Variants in GNAO1 observed in about 807,000 individuals in gnomAD.
GNAO1 encodes guanine nucleotide-binding protein G(o) subunit alpha.
For synonymous variants in GNAO1, 164 were observed against 180.7 expected (o/e 0.91, Z 0.74); for missense variants, 166 against 478.7 (o/e 0.35, Z 6.10).
rs1491364024 is a variant in GNAO1 at position 56,300,007 on chromosome 16, TCG to T, written c.303+23936_303+23937del. ...TCAGAAATGGAAGGCAGATTGGGGTTCGTGTGTGTGTGTGTGTGTGTGTGTGT... is the reference window on the plus strand; with the variant it reads ...TCAGAAATGGAAGGCAGATTGGGGTTTGTGTGTGTGTGTGTGTGTGTGTGT... On this transcript the variant is annotated intron_variant, in intron 3 of 8. Coordinates refer to ENST00000262493, the MANE Select transcript of GNAO1 (RefSeq NM_020988.3). 4.5e-4 allele frequency among the ~76,000 whole-genome samples: 28 copies of T among 62,508 alleles called. 1 individual carries two copies. Among genetic ancestry groups the T allele is most frequent in the Non-Finnish European group, 1.9e-4 (5 of 26,324 alleles). The allele number at this position is 62,508 out of a possible 152,430, so 41.0% of individuals were successfully genotyped here.
At position 56,192,123 on chromosome 16, in the gene GNAO1, C is replaced by T; in HGVS notation, c.-113C>T. On this transcript the variant is annotated 5_prime_UTR_variant, in exon 1 of 9. Coordinates refer to ENST00000262493, the MANE Select transcript of GNAO1 (RefSeq NM_020988.3). ...TTGTTTCCAGCCCAGGAGAGGATAT[C>T]GTGATTTTCCCCCCTTGAGCCCAGG... is the stretch of plus-strand genomic sequence containing the variant. 2 of 640,444 alleles carry T rather than the reference C, an allele frequency of 3.1e-6. No individual in the cohort carries two copies. The highest frequency in any genetic ancestry group is 1.8e-5 in the South Asian group (1 of 55,728). The allele number at this position is 640,444 out of a possible 1,614,324, so 39.7% of individuals were successfully genotyped here.
chr16:56,234,745 A>G (rs1443375414), intron 2 of GNAO1, among the ~76,000 whole-genome samples: 5 of 152,082 alleles, frequency 3.3e-5, no homozygotes, highest in South Asian at 2.1e-4. Flanking sequence ...CCCAACTCCT[A>G]TTCCAGTGAC....
chr16:56,254,301 TTTTA>T (rs1205148380), intron 2 of GNAO1, among the ~76,000 whole-genome samples: 1 of 152,194 alleles, frequency 6.6e-6, no homozygotes, highest in Non-Finnish European at 1.5e-5. Context: ...CACACTAAAA[TTTTA>T]TTTATTCCAT....
At chr16:56,196,378 A>G (rs1297192703) in intron 2 of GNAO1, among the ~76,000 whole-genome samples, 2 of 152,210 alleles carry the variant, frequency 1.3e-5, no homozygotes, top group Non-Finnish European at 1.5e-5. Context: ...TCAGTCAATA[A>G]GACTCTGAGT....
chr16:56,342,534 C>T (rs763619241), intron 6 of GNAO1, among the ~76,000 whole-genome samples: 2 of 152,252 alleles, frequency 1.3e-5, no homozygotes, highest in Non-Finnish European at 2.9e-5. Flanking sequence ...CTCCCTGAGC[C>T]TACCTGAGAA....
At chr16:56,343,460 C>T (rs2037826165) in intron 6 of GNAO1, among the ~76,000 whole-genome samples, 1 of 144,696 alleles carries the variant, frequency 6.9e-6, no homozygotes, top group Non-Finnish European at 1.5e-5. Flanking sequence ...CACACTCCAG[C>T]TTGAGCAACA....
chr16:56,195,384 T>C (rs1355368933), intron 2 of GNAO1, among the ~76,000 whole-genome samples: 1 of 152,226 alleles, frequency 6.6e-6, no homozygotes, highest in Non-Finnish European at 1.5e-5. Context: ...CTTGTTTTGT[T>C]AACCACAAAA....
At chr16:56,264,799 G>C (rs1347729431) in intron 2 of GNAO1, among the ~76,000 whole-genome samples, 2 of 148,160 alleles carry the variant, frequency 1.3e-5, no homozygotes, top group Non-Finnish European at 3.0e-5. Flanking sequence ...TTATCGTATA[G>C]TATATAGTAT....
At chr16:56,252,772 C>A (rs1267253408) in intron 2 of GNAO1, among the ~76,000 whole-genome samples, 1 of 152,210 alleles carries the variant, frequency 6.6e-6, no homozygotes, top group African/African-American at 2.4e-5. Context: ...TTCCTCCTGG[C>A]CCCGGCCCCA....
intron 3 of GNAO1, among the ~76,000 whole-genome samples, chr16:56,278,934 G>A (rs1485734861): frequency 2.0e-5 from 3 of 152,060 alleles, no homozygotes; most frequent in African/African-American, 7.2e-5. Context: ...CTGTCTCTAG[G>A]GTCCCCAGCC....
At chr16:56,212,872 C>T (rs2036403181) in intron 2 of GNAO1, among the ~76,000 whole-genome samples, 1 of 152,172 alleles carries the variant, frequency 6.6e-6, no homozygotes, top group Admixed American at 6.5e-5. Flanking sequence ...TCATTTCTGA[C>T]AAAAGATGTT....
At chr16:56,320,820 A>C (rs1157098182) in intron 3 of GNAO1, among the ~76,000 whole-genome samples, 2 of 152,176 alleles carry the variant, frequency 1.3e-5, no homozygotes, top group African/African-American at 4.8e-5. Flanking sequence ...TGGGCCTTAG[A>C]ACCACTGTAA....
intron 2 of GNAO1, among the ~76,000 whole-genome samples, chr16:56,221,807 C>T (rs2143368150): frequency 6.6e-6 from 1 of 152,216 alleles, no homozygotes; most frequent in South Asian, 2.1e-4. Flanking sequence ...TCATCGTCAT[C>T]ATTGTTTCAG....
At chr16:56,336,038 G>A (rs953457704) in intron 5 of GNAO1, among the ~76,000 whole-genome samples, 11 of 152,174 alleles carry the variant, frequency 7.2e-5, no homozygotes, top group East Asian at 1.9e-4. Flanking sequence ...AGGACTCCTC[G>A]CTCTGGGGAT....
At position 56,192,554 on chromosome 16, in the gene GNAO1, C is replaced by T. The variant is rs1369732955; in HGVS notation, c.119-20C>T. The T allele has an allele frequency of 6.3e-7, 1 of 1,575,768 alleles. No individual in the cohort carries two copies. Among genetic ancestry groups the T allele is most frequent in the Admixed American group, 1.7e-5 (1 of 59,878 alleles). On this transcript the variant is annotated intron_variant, in intron 1 of 8. Coordinates refer to ENST00000262493, the MANE Select transcript of GNAO1 (RefSeq NM_020988.3). ...AAGCTGACACTCACCAGTTTTTCCC[C>T]ACTGTCTGTGTCCCAACAGGGGCTG... is the stretch of plus-strand genomic sequence containing the variant.
intron 6 of GNAO1, chr16:56,347,176 T>C: frequency 4.1e-6 from 4 of 985,432 alleles, no homozygotes; most frequent in Non-Finnish European, 4.8e-6. Flanking sequence ...TTTCAAGAAG[T>C]CTGGGGCACA....
intron 2 of GNAO1, among the ~76,000 whole-genome samples, chr16:56,215,370 C>G (rs2036428737): frequency 6.6e-6 from 1 of 152,190 alleles, no homozygotes; most frequent in Non-Finnish European, 1.5e-5. Flanking sequence ...ACAGAATAGT[C>G]TTGCTCACCA....
chr16:56,353,260 AG>A (rs1360215995), intron 7 of GNAO1: 1 of 152,274 alleles, frequency 6.6e-6, no homozygotes. Context: ...CTACCCTCAG[AG>A]ACAGGCCCAA....
intron 2 of GNAO1, among the ~76,000 whole-genome samples, chr16:56,266,919 G>T (rs2036959337): frequency 6.6e-6 from 1 of 152,106 alleles, no homozygotes; most frequent in Admixed American, 6.5e-5. Context: ...GGGGATTTGG[G>T]CTGCTGCAGT....
Sources: gnomAD v4.1 joint callset for allele counts (sites outside exome capture counted in the v4.1 genomes callset) on GRCh38, gnomAD v4.1.1 for gene constraint, MANE v1.5 for transcripts, NCBI Gene and HGNC (gene_info 2026-07-23, HGNC 2026-07-21) for gene names.